The following INTS4 variants were observed in gnomAD, a reference collection of about 807,000 sequenced individuals.
INTS4 encodes the protein integrator complex subunit 4.
INTS4 carries 70 observed loss-of-function variants against 119.5 expected under a neutral mutation model. The observed-to-expected ratio is 0.59, with a 90% confidence interval of 0.48 to 0.71. INTS4 has a LOEUF of 0.71. Ranked by LOEUF, INTS4 falls within the 30% of genes least tolerant of loss-of-function variation. The pLI, the probability that INTS4 is intolerant of heterozygous loss-of-function variation, is 0.00. For missense variants in INTS4, 867 were observed against 1,173.2 expected (o/e 0.74, Z 3.81); for synonymous variants, 316 against 419.6 (o/e 0.75, Z 3.02).
chr11:77,980,175 C>A (rs1319568223), intron 3 of INTS4, among the ~76,000 whole-genome samples: 3 of 91,784 alleles, frequency 3.3e-5, no homozygotes, highest in Admixed American at 2.8e-4. Flanking sequence ...TAATTACATG[C>A]CCCCTATCTT....
At chr11:77,931,058 G>A (rs1034900099) in intron 10 of INTS4, among the ~76,000 whole-genome samples, 21 of 152,294 alleles carry the variant, frequency 1.4e-4, no homozygotes, top group Non-Finnish European at 2.5e-4. Flanking sequence ...TTGCATTACA[G>A]AGTGATGACT....
chr11:77,990,215 C>CAA (rs59474739), intron 2 of INTS4, among the ~76,000 whole-genome samples: 22,441 of 95,860 alleles, frequency 0.23, 2,231 homozygotes, highest in Middle Eastern at 0.28. Flanking sequence ...GACCAAGTCT[C>CAA]AAAAAAAAAA....
chr11:77,951,615 T>C (rs1175932953), intron 8 of INTS4, among the ~76,000 whole-genome samples: 1 of 152,208 alleles, frequency 6.6e-6, no homozygotes, highest in African/African-American at 2.4e-5. Context: ...AAGGACTTCA[T>C]GTCAAAAACA....
chr11:77,920,260 T>TATATATAC (rs1565244974), intron 14 of INTS4, among the ~76,000 whole-genome samples: 1 of 65,816 alleles, frequency 1.5e-5, no homozygotes, highest in Non-Finnish European at 3.1e-5. Flanking sequence ...CATATATACA[T>TATATATAC]ATATACACAT....
At chr11:77,879,958 G>C (rs185784542) in intron 22 of INTS4, among the ~76,000 whole-genome samples, 4 of 152,266 alleles carry the variant, frequency 2.6e-5, no homozygotes, top group Admixed American at 2.6e-4. Flanking sequence ...GAATCAGATA[G>C]GTTCTCAGAG....
chr11:77,926,539 G>A (rs895661691), intron 11 of INTS4, among the ~76,000 whole-genome samples: 3 of 152,088 alleles, frequency 2.0e-5, no homozygotes, highest in Non-Finnish European at 4.4e-5. Context: ...CGGGCACGGT[G>A]GCTCACACCA....
At chr11:77,923,684 T>C (rs1953422335) in intron 12 of INTS4, among the ~76,000 whole-genome samples, 1 of 152,106 alleles carries the variant, frequency 6.6e-6, no homozygotes, top group African/African-American at 2.4e-5. Context: ...CAATGTTAGC[T>C]ATTATAACTA....
At chr11:77,886,901 G>A (rs565573860) in intron 21 of INTS4, among the ~76,000 whole-genome samples, 2 of 152,096 alleles carry the variant, frequency 1.3e-5, no homozygotes, top group South Asian at 2.1e-4. Context: ...TGAAACCAAC[G>A]AGAACAAAGA....
At chr11:77,916,916 C>G (rs1178540040) in intron 15 of INTS4, among the ~76,000 whole-genome samples, 4 of 152,216 alleles carry the variant, frequency 2.6e-5, no homozygotes, top group Admixed American at 6.5e-5. Flanking sequence ...TCTCTCTACC[C>G]TCAGCAACTG....
At chr11:77,961,409 TAC>T (rs1255930162) in intron 4 of INTS4, among the ~76,000 whole-genome samples, 2 of 152,192 alleles carry the variant, frequency 1.3e-5, no homozygotes, top group African/African-American at 4.8e-5. Flanking sequence ...CTTTGCCTTG[TAC>T]AGAGTAGGTA....
chr11:77,948,906 C>T (rs1415874628), intron 8 of INTS4, among the ~76,000 whole-genome samples: 8 of 151,880 alleles, frequency 5.3e-5, no homozygotes, highest in Admixed American at 3.3e-4. Flanking sequence ...CCAAAACCTA[C>T]GGTATGCAAC....
At chr11:77,984,252 G>A (rs1591146415) in intron 2 of INTS4, among the ~76,000 whole-genome samples, 1 of 152,230 alleles carries the variant, frequency 6.6e-6, no homozygotes, top group East Asian at 1.9e-4. Flanking sequence ...CAACACCTTG[G>A]GAGGCCAAGG....
chr11:77,988,245 A>G (rs1340158363), intron 2 of INTS4, among the ~76,000 whole-genome samples: 1 of 152,232 alleles, frequency 6.6e-6, no homozygotes, highest in African/African-American at 2.4e-5. Flanking sequence ...CACATATGGC[A>G]AACAATTGCA....
chr11:77,969,321 A>T (rs948314513), intron 4 of INTS4, among the ~76,000 whole-genome samples: 3 of 152,166 alleles, frequency 2.0e-5, no homozygotes, highest in Admixed American at 2.0e-4. Context: ...TCTCCCAGAT[A>T]ACATGTACAA....
At chr11:77,992,306 G>A (rs1856724752) in intron 1 of INTS4, among the ~76,000 whole-genome samples, 1 of 152,032 alleles carries the variant, frequency 6.6e-6, no homozygotes, top group Non-Finnish European at 1.5e-5. Context: ...GCTGAGGATT[G>A]CGTGAACCCA....
At chr11:77,954,055 G>T (rs374056672) in intron 8 of INTS4, among the ~76,000 whole-genome samples, 2 of 152,028 alleles carry the variant, frequency 1.3e-5, no homozygotes, top group African/African-American at 4.8e-5. Flanking sequence ...CTCGTGATCC[G>T]CCCGCCTTGG....
In INTS4 at chr11:77,926,175, T is replaced by C. The variant is rs1183345463; in HGVS notation, c.1372-1283A>G. Reference sequence around the variant, plus strand: ...GTGAATTTTTCTAGGCAGGGTAGGATCTTGACATAGCAGGAAAAAAAAAAG... The same window carrying C: ...GTGAATTTTTCTAGGCAGGGTAGGACCTTGACATAGCAGGAAAAAAAAAAG... On this transcript the variant is annotated intron_variant, in intron 11 of 22. Transcript: ENST00000534064. Among the ~76,000 whole-genome samples, 10 of 146,568 alleles carry C rather than the reference T, an allele frequency of 6.8e-5. No individual in the cohort carries two copies. In the South Asian group the frequency reaches 1.3e-3, roughly 19 times the overall value.
At chr11:77,951,074 T>C (rs1565267325) in intron 8 of INTS4, among the ~76,000 whole-genome samples, 1 of 152,118 alleles carries the variant, frequency 6.6e-6, no homozygotes, top group Non-Finnish European at 1.5e-5. Flanking sequence ...TATGGCTGCA[T>C]AGGATTCCAT....
At chr11:77,989,916 T>A (rs1054222585) in intron 2 of INTS4, among the ~76,000 whole-genome samples, 1 of 151,814 alleles carries the variant, frequency 6.6e-6, no homozygotes, top group Non-Finnish European at 1.5e-5. Flanking sequence ...ATAATAGTAA[T>A]AATAATAATG....
Sources: allele counts gnomAD v4.1 joint callset (sites outside exome capture counted in the v4.1 genomes callset), GRCh38; gene constraint gnomAD v4.1.1; transcripts MANE v1.5; gene names NCBI Gene and HGNC (gene_info 2026-07-23, HGNC 2026-07-21).